COL19A1: variants seen among roughly 807,000 people sequenced by gnomAD.
The protein encoded by COL19A1 is collagen alpha-1(XIX) chain.
COL19A1 carries 159 observed loss-of-function variants against 190.2 expected under a neutral mutation model. That is an observed-to-expected ratio of 0.84 (90% CI 0.73 to 0.95). COL19A1 has a LOEUF of 0.95. COL19A1 is among the 40% of genes least tolerant of loss of function. The pLI, the probability that COL19A1 is intolerant of heterozygous loss-of-function variation, is 0.00. For synonymous variants in COL19A1, 509 were observed against 458.9 expected, an observed-to-expected ratio of 1.11 and a Z score of -1.39; for missense variants, 1,418 against 1,431.9, an observed-to-expected ratio of 0.99 and a Z score of 0.16.
At chr6:70,112,994 A>G (rs976061512) in intron 16 of COL19A1, among the ~76,000 whole-genome samples, 2 of 152,196 alleles carry the variant, frequency 1.3e-5, no homozygotes, top group African/African-American at 4.8e-5. Flanking sequence ...TTCTCATTCA[A>G]CATCCAGAGC....
intron 14 of COL19A1, among the ~76,000 whole-genome samples, chr6:70,063,239 C>T: frequency 6.6e-6 from 1 of 152,134 alleles, no homozygotes; most frequent in African/African-American, 2.4e-5. Context: ...AAGTAAAGCA[C>T]TCCTCAGCAA....
intron 11 of COL19A1, among the ~76,000 whole-genome samples, chr6:70,004,934 G>A (rs927874561): frequency 1.3e-5 from 2 of 151,570 alleles, no homozygotes; most frequent in Non-Finnish European, 2.9e-5. Flanking sequence ...CCGGGTTCAT[G>A]CCATTCTCCT....
intron 24 of COL19A1, 123 bp downstream of exon 24, chr6:70,144,386 A>G: frequency 1.3e-6 from 1 of 790,218 alleles, no homozygotes; most frequent in Non-Finnish European, 2.0e-6. Flanking sequence ...CACATTAACT[A>G]CAATGTAAAT....
intron 17 of COL19A1, among the ~76,000 whole-genome samples, chr6:70,124,895 T>G (rs1785102122): frequency 6.6e-6 from 1 of 152,096 alleles, no homozygotes; most frequent in Non-Finnish European, 1.5e-5. Context: ...GTTAGAGCCC[T>G]TACACCAAGG....
At chr6:69,897,485 A>C (rs980439443) in intron 2 of COL19A1, among the ~76,000 whole-genome samples, 2 of 142,632 alleles carry the variant, frequency 1.4e-5, no homozygotes, top group Admixed American at 6.8e-5. Context: ...ACACACACAC[A>C]CACCCCATAC....
At chr6:70,133,300 A>G (rs1338870131) in intron 18 of COL19A1, among the ~76,000 whole-genome samples, 1 of 152,216 alleles carries the variant, frequency 6.6e-6, no homozygotes, top group Non-Finnish European at 1.5e-5. Flanking sequence ...CGACACTACA[A>G]TGAAGCACCA....
chr6:69,921,776 A>C (rs1299372534), intron 4 of COL19A1, among the ~76,000 whole-genome samples: 1 of 150,058 alleles, frequency 6.7e-6, no homozygotes, highest in Non-Finnish European at 1.5e-5. Context: ...TCGTATATGT[A>C]TATTCGTATG....
intron 4 of COL19A1, among the ~76,000 whole-genome samples, chr6:69,916,014 G>A (rs1771276875): frequency 6.9e-6 from 1 of 145,174 alleles, no homozygotes. Context: ...TCAGCTCACT[G>A]CAAGCTCTGC....
chr6:69,936,466 A>C (rs1030371193), intron 7 of COL19A1, among the ~76,000 whole-genome samples: 2 of 152,142 alleles, frequency 1.3e-5, no homozygotes, highest in Non-Finnish European at 2.9e-5. Context: ...AAATTATTTT[A>C]TTGCAACAAT....
intron 2 of COL19A1, chr6:69,891,142 C>T (rs1289590805): frequency 1.9e-5 from 3 of 154,156 alleles, no homozygotes; most frequent in African/African-American, 7.9e-5. Flanking sequence ...AAGGACAGCT[C>T]AAAAATTCCA....
chr6:70,040,690 GA>G, intron 14 of COL19A1, among the ~76,000 whole-genome samples: 1 of 151,654 alleles, frequency 6.6e-6, no homozygotes, highest in Non-Finnish European at 1.5e-5. Context: ...TTGGAGAAAA[GA>G]AAAGGAAAAA....
intron 17 of COL19A1, 38 bp downstream of exon 17, chr6:70,121,980 A>G (rs761887771): frequency 6.0e-6 from 8 of 1,323,250 alleles, no homozygotes; most frequent in African/African-American, 1.5e-5. Context: ...TAATACATAG[A>G]AATTTTATAT....
At chr6:70,080,635 T>C (rs1221730351) in intron 15 of COL19A1, among the ~76,000 whole-genome samples, 1 of 152,212 alleles carries the variant, frequency 6.6e-6, no homozygotes, top group African/African-American at 2.4e-5. Context: ...TAAAATATTG[T>C]CAAAATTAAA....
chr6:69,916,367 G>A (rs947305372), intron 4 of COL19A1, among the ~76,000 whole-genome samples: 6 of 152,142 alleles, frequency 3.9e-5, no homozygotes, highest in African/African-American at 1.4e-4. Context: ...GAAAAGAAAT[G>A]TTTGGTGAAA....
chr6:69,996,927 TG>T (rs1399097528), intron 11 of COL19A1, among the ~76,000 whole-genome samples: 1 of 141,334 alleles, frequency 7.1e-6, no homozygotes, highest in Non-Finnish European at 1.5e-5. Flanking sequence ...TGTGTGTGTG[TG>T]TGTGTGTGTG....
chr6:69,872,148 TTTTG>T (rs961815305), intron 1 of COL19A1, among the ~76,000 whole-genome samples: 5 of 152,122 alleles, frequency 3.3e-5, no homozygotes, highest in Admixed American at 2.0e-4. Flanking sequence ...TTGTTTGTTT[TTTTG>T]TTTGTTTTTT....
chr6:70,114,470 G>A (rs921221734), intron 16 of COL19A1, among the ~76,000 whole-genome samples: 5 of 152,154 alleles, frequency 3.3e-5, no homozygotes, highest in African/African-American at 9.7e-5. Context: ...CCACCTCACT[G>A]GGCTGCTGTA....
intron 11 of COL19A1, among the ~76,000 whole-genome samples, chr6:69,967,428 G>A (rs1775181316): frequency 1.3e-5 from 2 of 152,342 alleles, no homozygotes; most frequent in Middle Eastern, 3.4e-3. Context: ...ATATTCTGCA[G>A]CTGTGAGAGT....
chr6:70,051,467 C>T (rs1780196345), intron 14 of COL19A1, among the ~76,000 whole-genome samples: 1 of 152,152 alleles, frequency 6.6e-6, no homozygotes, highest in Non-Finnish European at 1.5e-5. Flanking sequence ...GTACCAGAAA[C>T]AACCCAGGTA....
Sources: allele counts gnomAD v4.1 joint callset (sites outside exome capture counted in the v4.1 genomes callset), GRCh38; gene constraint gnomAD v4.1.1; transcripts MANE v1.5; gene names NCBI Gene and HGNC (gene_info 2026-07-23, HGNC 2026-07-21).